DMD: variants seen among roughly 807,000 people sequenced by gnomAD.
DMD encodes the protein mutant dystrophin.
In DMD, 63 loss-of-function variants were observed where a neutral mutation model predicts 330.1. The ratio of observed to expected loss-of-function variants is 0.19; its 90% CI spans 0.16 to 0.24. The LOEUF (loss-of-function observed/expected upper bound fraction) is 0.24, where lower values mean the gene tolerates loss of function less well. Ranked by LOEUF, DMD falls within the 10% of genes least tolerant of loss-of-function variation. The pLI, the probability that DMD is intolerant of heterozygous loss-of-function variation, is 1.00. For synonymous variants in DMD, 1,223 were observed against 959.8 expected (o/e 1.27, Z -5.07); for missense variants, 3,344 against 2,684.1 (o/e 1.25, Z -5.43).
chrX:32,474,200 T>TACACACACACACACACAC (rs770330585), intron 21 of DMD, among the ~76,000 whole-genome samples: 1 of 104,922 alleles, frequency 9.5e-6, no homozygotes, highest in African/African-American at 3.7e-5. Flanking sequence ...CATATATACA[T>TACACACACACACACACAC]ACATACATAC....
chrX:33,305,557 T>TATATAATA (rs2053748334), intron 1 of DMD, among the ~76,000 whole-genome samples: 3 of 100,155 alleles, frequency 3.0e-5, no homozygotes, highest in Non-Finnish European at 6.0e-5. Context: ...CCCTAAAACT[T>TATATAATA]AGAGTATAAT....
At chrX:33,081,213 G>A (rs1455480402) in intron 1 of DMD, among the ~76,000 whole-genome samples, 1 of 111,527 alleles carries the variant, frequency 9.0e-6, no homozygotes, top group Non-Finnish European at 1.9e-5. Context: ...CCCAAAAGGA[G>A]AGAAATACTA....
At chrX:33,087,390 T>A in intron 1 of DMD, among the ~76,000 whole-genome samples, 1 of 112,209 alleles carries the variant, frequency 8.9e-6, no homozygotes, top group East Asian at 2.8e-4. Context: ...GCGAGACCAA[T>A]TGTGAGAACT....
intron 16 of DMD, among the ~76,000 whole-genome samples, chrX:32,548,525 G>A (rs930364530): frequency 9.0e-6 from 1 of 111,594 alleles, no homozygotes; most frequent in African/African-American, 3.2e-5. Flanking sequence ...TATGAATGTG[G>A]ATGGAGTATT....
chrX:32,951,463 A>G (rs1455720323), intron 2 of DMD, among the ~76,000 whole-genome samples: 5 of 111,933 alleles, frequency 4.5e-5, no homozygotes, highest in Admixed American at 9.5e-5. Context: ...CAGCAGGTTA[A>G]GTGGGCTATT....
chrX:33,063,358 T>G (rs991736830), intron 1 of DMD, among the ~76,000 whole-genome samples: 1 of 111,743 alleles, frequency 8.9e-6, no homozygotes, highest in African/African-American at 3.3e-5. Flanking sequence ...TATTTGAGGA[T>G]GATATTCAAC....
At chrX:32,289,418 T>G (rs2097457118) in intron 42 of DMD, among the ~76,000 whole-genome samples, 1 of 110,734 alleles carries the variant, frequency 9.0e-6, no homozygotes, top group South Asian at 3.9e-4. Flanking sequence ...AGGGGAAATA[T>G]GTCAGAGGCG....
intron 12 of DMD, among the ~76,000 whole-genome samples, chrX:32,608,504 C>A (rs1022185218): frequency 4.5e-5 from 5 of 110,290 alleles, no homozygotes; most frequent in Non-Finnish European, 5.7e-5. Context: ...AAAGGAAAGT[C>A]AGAGATTGAA....
intron 2 of DMD, among the ~76,000 whole-genome samples, chrX:32,869,589 C>T: frequency 9.2e-6 from 1 of 108,803 alleles, no homozygotes; most frequent in Middle Eastern, 4.7e-3. Flanking sequence ...AACACAAGAA[C>T]TTCACAATGC....
At chrX:31,509,320 G>C (rs909698865) in intron 55 of DMD, among the ~76,000 whole-genome samples, 2 of 111,929 alleles carry the variant, frequency 1.8e-5, no homozygotes, top group South Asian at 7.4e-4. Context: ...AAAGAGAAAA[G>C]TGAGTTAATT....
intron 50 of DMD, among the ~76,000 whole-genome samples, chrX:31,776,874 C>T (rs1013715566): frequency 8.9e-5 from 10 of 111,983 alleles, no homozygotes; most frequent in Admixed American, 6.6e-4. Context: ...GCCATCCCTG[C>T]GCCAGTCATG....
intron 43 of DMD, among the ~76,000 whole-genome samples, chrX:32,272,792 G>A (rs1198957184): frequency 8.9e-6 from 1 of 111,876 alleles, no homozygotes; most frequent in African/African-American, 3.2e-5. Flanking sequence ...CTTATGCAAG[G>A]TCCATCCTAC....
intron 2 of DMD, among the ~76,000 whole-genome samples, chrX:32,891,368 C>G (rs2085183621): frequency 8.9e-6 from 1 of 112,055 alleles, no homozygotes; most frequent in South Asian, 3.7e-4. Context: ...TTAAGATGGC[C>G]TAACAACATT....
chrX:32,403,560 C>A (rs376620091), intron 30 of DMD, among the ~76,000 whole-genome samples: 2 of 111,603 alleles, frequency 1.8e-5, no homozygotes, highest in East Asian at 2.8e-4. Context: ...CAGTCAGTGA[C>A]GTGTGGCAAG....
At chrX:32,619,937 T>A (rs975238576) in intron 11 of DMD, among the ~76,000 whole-genome samples, 2 of 110,744 alleles carry the variant, frequency 1.8e-5, no homozygotes, top group Non-Finnish European at 3.8e-5. Flanking sequence ...GGAACACAAT[T>A]CCAGCCACTC....
At chrX:32,329,926 A>C (rs1390688950) in intron 41 of DMD, among the ~76,000 whole-genome samples, 1 of 112,493 alleles carries the variant, frequency 8.9e-6, no homozygotes, top group Non-Finnish European at 1.9e-5. Flanking sequence ...TATTTAATCC[A>C]TGCATCTTTC....
chrX:31,864,524 C>A (rs774012651), intron 48 of DMD, among the ~76,000 whole-genome samples: 1 of 76,405 alleles, frequency 1.3e-5, no homozygotes, highest in African/African-American at 5.6e-5. Flanking sequence ...AAGTCTTGCT[C>A]TATTCCCCAT....
At chrX:33,061,742 C>T (rs1386773727) in intron 1 of DMD, among the ~76,000 whole-genome samples, 2 of 111,373 alleles carry the variant, frequency 1.8e-5, no homozygotes, top group Non-Finnish European at 3.8e-5. Flanking sequence ...GCTGTAAATA[C>T]GCTCCTGTGT....
chrX:33,159,026 T>G (rs2048636645), intron 1 of DMD, among the ~76,000 whole-genome samples: 1 of 111,920 alleles, frequency 8.9e-6, no homozygotes, highest in Admixed American at 9.5e-5. Flanking sequence ...AATTTATCAC[T>G]TCAGTATTCT....
Sources: gnomAD v4.1 joint callset for allele counts (sites outside exome capture counted in the v4.1 genomes callset) on GRCh38, gnomAD v4.1.1 for gene constraint, MANE v1.5 for transcripts, NCBI Gene and HGNC (gene_info 2026-07-23, HGNC 2026-07-21) for gene names.